Variants in SLC22A12 observed in about 807,000 individuals in gnomAD.
SLC22A12 encodes the protein solute carrier family 22 member 12.
A neutral mutation model predicts 52.7 loss-of-function variants in SLC22A12; 56 were observed. The observed-to-expected ratio is 1.06, with a 90% confidence interval of 0.86 to 1.33. The LOEUF (loss-of-function observed/expected upper bound fraction) is 1.33, where lower values mean the gene tolerates loss of function less well. Among genes scored for constraint, SLC22A12 ranks in the 40% most tolerant of loss-of-function variants. The pLI is 0.00. For missense variants in SLC22A12, 683 were observed against 741.5 expected (o/e 0.92, Z 0.92); for synonymous variants, 337 against 324.6 (o/e 1.04, Z -0.41).
rs1454726138 is a variant in SLC22A12 at position 64,592,797 on chromosome 11, T to C, written c.421T>C (p.Ser141Pro). The C allele has an allele frequency of 1.2e-6, 2 of 1,613,814 alleles. No individual in the cohort carries two copies. Among genetic ancestry groups the C allele is most frequent in the Non-Finnish European group, 1.7e-6 (2 of 1,179,938 alleles). ...CCATCAGTGGAACCTCGTGTGTGAC[T>C]CTCATGCTCTGAAGCCCATGGCCCA... ...IVAKWNLVCDSHALKPMAQSI... is the reference protein window; with the variant it reads ...IVAKWNLVCDPHALKPMAQSI... The change falls in exon 2 of 10, where the codon TCT (serine) becomes CCT (proline). Residue 141 changes from serine to proline, a missense_variant. Transcript: ENST00000377574.
intron 4 of SLC22A12, among the ~76,000 whole-genome samples, chr11:64,594,926 T>C (rs2039056785): frequency 1.2e-5 from 1 of 80,150 alleles, no homozygotes; most frequent in African/African-American, 5.0e-5. Context: ...GGATGGATTG[T>C]TGAATGGATG....
intron 4 of SLC22A12, 129 bp from the exon 5 acceptor site, chr11:64,598,387 C>T (rs2039321893): frequency 7.3e-7 from 1 of 1,363,528 alleles, no homozygotes; most frequent in African/African-American, 1.4e-5. Context: ...CCACAACGCC[C>T]TTCGGGGTCC....
Position 64,599,834 on chromosome 11 carries a change from C to T in SLC22A12, c.1229C>T (p.Ala410Val). The T allele has an allele frequency of 2.5e-6, 4 of 1,612,894 alleles. No homozygotes were observed. The highest frequency in any genetic ancestry group is 3.4e-6 in the Non-Finnish European group (4 of 1,179,868). Residue 410 changes from alanine to valine, a missense_variant, in exon 7 of 10, where the codon GCC becomes GTC. Coordinates refer to ENST00000377574, the MANE Select transcript of SLC22A12 (RefSeq NM_144585.4). ...CACCTGGGCCGCCGCCCCACGCTGG[C>T]CGCATCCCTGTTGCTGGCAGGGCTC... ...LSHLGRRPTL[A>V]ASLLLAGLCI...
At chr11:64,598,696 A>G in intron 5 of SLC22A12, 57 bp downstream of exon 5, 2 of 1,599,824 alleles carry the variant, frequency 1.3e-6, no homozygotes, top group African/African-American at 1.3e-5. Context: ...GCCCCTGCAT[A>G]GGGCACCCTG....
rs368443880 is a variant in SLC22A12, at chr11:64,600,741, G to T, written c.1401G>T (p.Thr467=). The T allele has an allele frequency of 1.2e-6, 2 of 1,604,850 alleles. No individual in the cohort carries two copies. Among genetic ancestry groups the T allele is most frequent in the Non-Finnish European group, 1.7e-6 (2 of 1,179,900 alleles). The part of the protein sequence containing the change: ...SELFPTVLRM[T]AVGLGQMAAR... ...GGTGCATCTGCATTGGCAGGATGACGGCAGTGGGCTTGGGCCAGATGGCAG... is the reference window on the plus strand; with the variant it reads ...GGTGCATCTGCATTGGCAGGATGACTGCAGTGGGCTTGGGCCAGATGGCAG... Residue 467 remains threonine (T), a synonymous_variant, in exon 9 of 10, where the codon ACG becomes ACT. Coordinates refer to ENST00000377574, the MANE Select transcript of SLC22A12 (RefSeq NM_144585.4).
intron 4 of SLC22A12, 75 bp downstream of exon 4, chr11:64,593,878 C>A: frequency 6.4e-7 from 1 of 1,554,222 alleles, no homozygotes; most frequent in Non-Finnish European, 8.7e-7. Flanking sequence ...GGAGACTCTC[C>A]TTTCCCTGGG....
chr11:64,601,515 G>T lies in SLC22A12; in HGVS notation c.1626G>T (p.Thr542=), dbSNP rs143053863. The change falls in exon 10 of 10, where the codon ACG becomes ACT. Residue 542 remains threonine (T), a synonymous_variant. Transcript: ENST00000377574. ...NQAVKKATHG[T]LGNSVLKSTQ... is the part of the protein sequence containing the mutation. ...CAGTAAAGAAGGCAACACATGGCACGCTGGGGAACTCTGTCCTAAAATCCA... is the reference window on the plus strand; with the variant it reads ...CAGTAAAGAAGGCAACACATGGCACTCTGGGGAACTCTGTCCTAAAATCCA... 1 of 1,613,850 alleles carries T rather than the reference G, an allele frequency of 6.2e-7. No individual in the cohort carries two copies. The highest frequency in any genetic ancestry group is 1.3e-5 in the African/African-American group (1 of 74,928).
At chr11:64,597,390 G>A (rs975868513) in intron 4 of SLC22A12, among the ~76,000 whole-genome samples, 3 of 152,006 alleles carry the variant, frequency 2.0e-5, no homozygotes, top group Non-Finnish European at 2.9e-5. Context: ...AACTGCCCAC[G>A]TGACGGTTCC....
intron 6 of SLC22A12, among the ~76,000 whole-genome samples, chr11:64,599,264 G>A (rs2039361486): frequency 6.6e-6 from 1 of 152,116 alleles, no homozygotes; most frequent in Non-Finnish European, 1.5e-5. Context: ...AGGGCGGAGA[G>A]GGCTTATCAG....
intron 4 of SLC22A12, among the ~76,000 whole-genome samples, chr11:64,596,680 CAGAGCAGGAGAAAATTA>C (rs2039257105): frequency 6.6e-6 from 1 of 152,178 alleles, no homozygotes; most frequent in South Asian, 2.1e-4. Context: ...AGCCACTCCT[CAGAGCAGGAGAAAATTA>C]CATCTCATAC....
chr11:64,600,318 C>T, intron 7 of SLC22A12, 49 bp from the exon 8 acceptor site: 1 of 1,422,830 alleles, frequency 7.0e-7, no homozygotes, highest in South Asian at 1.2e-5. Flanking sequence ...GAGCCCTCAT[C>T]TGATCTTGGG....
Position 64,599,758 on chromosome 11 carries a change from A to T in SLC22A12, c.1153A>T (p.Ile385Phe). 6.2e-7 allele frequency: 1 copy of T among 1,612,134 alleles called. No homozygotes were observed. The highest frequency in any genetic ancestry group is 8.5e-7 in the Non-Finnish European group (1 of 1,179,640). The change falls in exon 7 of 10, where the codon ATT becomes TTT. Residue 385 changes from isoleucine (I) to phenylalanine (F), a missense_variant. Ile to Phe is a conservative substitution (Grantham distance 21, BLOSUM62 0). Transcript: ENST00000377574. ...GSNIFLLQMF[I>F]GVVDIPAKMG... ...CAACATCTTCCTGCTCCAAATGTTCATTGGTGTCGTGGACATCCCAGCCAA... is the reference window on the plus strand; with the variant it reads ...CAACATCTTCCTGCTCCAAATGTTCTTTGGTGTCGTGGACATCCCAGCCAA...
chr11:64,596,736 C>T (rs540178528), intron 4 of SLC22A12, among the ~76,000 whole-genome samples: 28 of 152,252 alleles, frequency 1.8e-4, no homozygotes, highest in African/African-American at 4.1e-4. Flanking sequence ...CAATCGTGTC[C>T]GACAAGAGCC....
chr11:64,598,887 GA>G lies in SLC22A12; in HGVS notation c.1035del (p.Leu346CysfsTer55), dbSNP rs1208226422. On this transcript the variant is annotated frameshift_variant, in exon 6 of 10. Coordinates refer to ENST00000377574, the MANE Select transcript of SLC22A12 (RefSeq NM_144585.4). LOFTEE classifies it high-confidence loss of function. Reference protein sequence around the residue: ...ASLGTLLRMPGLRFRTCISTL... With the variant: ...ASLGTLLRMPXLRFRTCISTL... ...CTGGGCACCCTGCTCCGCATGCCCG[GA>G]CTGCGCTTCCGGACCTGTATCTCCA... The G allele has an allele frequency of 6.2e-7, 1 of 1,612,790 alleles. No homozygotes were observed. The highest frequency in any genetic ancestry group is 1.7e-5 in the Admixed American group (1 of 60,000).
At chr11:64,599,359 G>A (rs886108197) in intron 6 of SLC22A12, among the ~76,000 whole-genome samples, 26 of 152,012 alleles carry the variant, frequency 1.7e-4, no homozygotes, top group African/African-American at 4.8e-4. Flanking sequence ...CTGGAGCCAC[G>A]GAAGGGACAT....
At chr11:64,600,674 G>C in intron 8 of SLC22A12, 61 bp from the exon 9 acceptor site, 1 of 1,597,778 alleles carries the variant, frequency 6.3e-7, no homozygotes, top group Non-Finnish European at 8.5e-7. Flanking sequence ...CTGGCCCGGC[G>C]TGCAGGATCA....
chr11:64,596,226 C>CATGG (rs1318271469), intron 4 of SLC22A12, among the ~76,000 whole-genome samples: 624 of 21,874 alleles, frequency 0.029, no homozygotes, highest in Admixed American at 0.18. Flanking sequence ...TGGATGGATG[C>CATGG]ATGGATGGAT....
At chr11:64,592,746 CCTCCTGAG>C (rs2038960806) in intron 1 of SLC22A12, 25 bp from the exon 2 acceptor site, 2 of 1,579,456 alleles carry the variant, frequency 1.3e-6, no homozygotes, top group Non-Finnish European at 1.7e-6. Flanking sequence ...GCTCTCCCAA[CCTCCTGAG>C]CTCAGCCTCC....
In SLC22A12 at chr11:64,592,844, T is replaced by G. The variant is rs1285310093; in HGVS notation, c.468T>G (p.Ile156Met). The change falls in exon 2 of 10, where the codon ATT becomes ATG. Residue 156 changes from isoleucine (I) to methionine (M), a missense_variant. Physicochemically the swap from Ile to Met is conservative, Grantham distance 10. Transcript: ENST00000377574. Reference protein sequence around the residue: ...PMAQSIYLAGILVGAAACGPA... With the variant: ...PMAQSIYLAGMLVGAAACGPA... ...CCCAGTCCATCTACCTGGCTGGGAT[T>G]CTGGTGGGAGCTGCTGCGTGCGGCC... 15 of 1,613,910 alleles carry G rather than the reference T, an allele frequency of 9.3e-6. No individual in the cohort carries two copies. Among genetic ancestry groups the G allele is most frequent in the Non-Finnish European group, 1.3e-5 (15 of 1,180,034 alleles).
Sources: gnomAD v4.1 joint callset for allele counts (sites outside exome capture counted in the v4.1 genomes callset) on GRCh38, gnomAD v4.1.1 for gene constraint, MANE v1.5 for transcripts, NCBI Gene and HGNC (gene_info 2026-07-23, HGNC 2026-07-21) for gene names.